Variants in MAST4 observed in about 807,000 individuals in gnomAD.
MAST4 encodes the protein microtubule-associated serine/threonine-protein kinase 4.
In MAST4, 89 loss-of-function variants were observed where a neutral mutation model predicts 162.7. That is an observed-to-expected ratio of 0.55 (90% confidence interval 0.46 to 0.65). The LOEUF is 0.65. Ranked by LOEUF, MAST4 falls within the 30% of genes least tolerant of loss-of-function variation. The pLI, the probability that MAST4 is intolerant of heterozygous loss-of-function variation, is 0.00. For synonymous variants in MAST4, 1,479 were observed against 1,361.1 expected (o/e 1.09, Z -1.91); for missense variants, 3,153 against 3,374.0 (o/e 0.93, Z 1.62).
chr5:66,786,041 T>C (rs1215923873), intron 2 of MAST4, among the ~76,000 whole-genome samples: 1 of 152,034 alleles, frequency 6.6e-6, no homozygotes, highest in African/African-American at 2.4e-5. Context: ...GCTAACTTTT[T>C]AACTTTTTGT....
chr5:66,645,950 A>G (rs1745803997), intron 1 of MAST4, among the ~76,000 whole-genome samples: 1 of 152,116 alleles, frequency 6.6e-6, no homozygotes, highest in Admixed American at 6.6e-5. Context: ...AGACAGAAAT[A>G]TTTTCTTCAC....
At chr5:67,094,107 C>G (rs753781840) in intron 6 of MAST4, 10 of 1,306,210 alleles carry the variant, frequency 7.7e-6, no homozygotes, top group Non-Finnish European at 9.5e-6. Context: ...TCTTACTTTG[C>G]TTCTTTTTTT....
intron 14 of MAST4, among the ~76,000 whole-genome samples, chr5:67,127,041 G>C (rs538263949): frequency 1.3e-5 from 2 of 152,196 alleles, no homozygotes; most frequent in South Asian, 2.1e-4. Context: ...TTGGCTCTCT[G>C]TTTGTCTATT....
chr5:66,748,984 C>A (rs1368720824), intron 1 of MAST4, among the ~76,000 whole-genome samples: 1 of 151,872 alleles, frequency 6.6e-6, no homozygotes, highest in Non-Finnish European at 1.5e-5. Context: ...TCAGGCACTG[C>A]AGAGAATAAT....
At chr5:66,621,637 T>C (rs1744083787) in intron 1 of MAST4, among the ~76,000 whole-genome samples, 1 of 152,232 alleles carries the variant, frequency 6.6e-6, no homozygotes, top group African/African-American at 2.4e-5. Flanking sequence ...ACTAGTGTAT[T>C]CTAGACCTTT....
At chr5:67,062,491 A>G (rs1759749723) in intron 5 of MAST4, among the ~76,000 whole-genome samples, 1 of 152,158 alleles carries the variant, frequency 6.6e-6, no homozygotes, top group Admixed American at 6.5e-5. Flanking sequence ...CCTTCAGCAG[A>G]TTTTCCATGC....
chr5:66,656,103 GAA>G (rs1486422493), intron 1 of MAST4, among the ~76,000 whole-genome samples: 1 of 152,194 alleles, frequency 6.6e-6, no homozygotes, highest in Non-Finnish European at 1.5e-5. Context: ...GAGGATTTGA[GAA>G]AGGCAGGCTT....
chr5:66,812,239 A>G (rs185892910), intron 3 of MAST4, among the ~76,000 whole-genome samples: 146 of 152,324 alleles, frequency 9.6e-4, no homozygotes, highest in Non-Finnish European at 2.8e-4. Flanking sequence ...TAGAAGATAT[A>G]TTACTGAAAA....
At chr5:66,744,325 T>C (rs1752632008) in intron 1 of MAST4, among the ~76,000 whole-genome samples, 1 of 152,208 alleles carries the variant, frequency 6.6e-6, no homozygotes, top group South Asian at 2.1e-4. Context: ...TTATTTTGCC[T>C]CTTGGGTCAG....
intron 1 of MAST4, among the ~76,000 whole-genome samples, chr5:66,625,845 T>G (rs1008183231): frequency 6.6e-6 from 1 of 152,212 alleles, no homozygotes; most frequent in Non-Finnish European, 1.5e-5. Context: ...ACTCATGTTC[T>G]TAGCATTATT....
chr5:66,638,832 C>T lies in MAST4; in HGVS notation c.363+41814C>T, dbSNP rs945425639. 7.2e-5 allele frequency among the ~76,000 whole-genome samples: 11 copies of T among 152,022 alleles called. 1 individual carries two copies. The highest frequency in any genetic ancestry group is 2.1e-4 in the South Asian group (1 of 4,812). On this transcript the variant is annotated intron_variant, in intron 1 of 28. Coordinates refer to ENST00000403625, the MANE Select transcript of MAST4 (RefSeq NM_001164664.2). ...GGATTTTCTACTTGGGATGTCCTGT[C>T]GGTGCTCAAAAGTTTCAAGGATGAT...
At chr5:66,617,564 C>T (rs4613646) in intron 1 of MAST4, among the ~76,000 whole-genome samples, 43,609 of 151,730 alleles carry the variant, frequency 0.29, 6,492 homozygotes, top group Middle Eastern at 0.34. Context: ...TTATGTAGAG[C>T]GTAATTGCTG....
intron 4 of MAST4, among the ~76,000 whole-genome samples, chr5:66,951,047 A>G (rs537943045): frequency 2.2e-4 from 34 of 152,288 alleles, no homozygotes; most frequent in African/African-American, 8.2e-4. Flanking sequence ...CCATTTTACT[A>G]TTGATAAGCA....
At chr5:66,979,073 G>A (rs1165813381) in intron 4 of MAST4, among the ~76,000 whole-genome samples, 1 of 152,218 alleles carries the variant, frequency 6.6e-6, no homozygotes, top group Non-Finnish European at 1.5e-5. Flanking sequence ...ACGCAGATTG[G>A]GAGAATTGCT....
At chr5:66,725,777 A>G (rs566949959) in intron 1 of MAST4, among the ~76,000 whole-genome samples, 24 of 152,276 alleles carry the variant, frequency 1.6e-4, no homozygotes, top group African/African-American at 5.8e-4. Flanking sequence ...TTAAAATGCA[A>G]ATATTTATTG....
At chr5:66,770,497 G>A (rs1754312353) in intron 2 of MAST4, among the ~76,000 whole-genome samples, 1 of 152,104 alleles carries the variant, frequency 6.6e-6, no homozygotes. Context: ...CTCATATGGT[G>A]GTTCCCAGAC....
At chr5:67,058,790 C>T (rs886154229) in intron 5 of MAST4, among the ~76,000 whole-genome samples, 11 of 152,010 alleles carry the variant, frequency 7.2e-5, no homozygotes, top group African/African-American at 2.4e-4. Flanking sequence ...AATTGTTTAG[C>T]GAATAAGAAA....
chr5:66,928,743 G>A (rs1561453978), intron 4 of MAST4, among the ~76,000 whole-genome samples: 1 of 152,202 alleles, frequency 6.6e-6, no homozygotes, highest in Admixed American at 6.5e-5. Context: ...GTCAGGACTA[G>A]GGGTCATACC....
At chr5:66,642,149 G>GA (rs1005662083) in intron 1 of MAST4, among the ~76,000 whole-genome samples, 5 of 151,862 alleles carry the variant, frequency 3.3e-5, no homozygotes, top group South Asian at 2.1e-4. Context: ...ATATATTCTT[G>GA]AAAAAAAATT....
Sources: allele counts gnomAD v4.1 joint callset (sites outside exome capture counted in the v4.1 genomes callset), GRCh38; gene constraint gnomAD v4.1.1; transcripts MANE v1.5; gene names NCBI Gene and HGNC (gene_info 2026-07-23, HGNC 2026-07-21).